Variants in HIVEP2 observed in about 807,000 individuals in gnomAD.
HIVEP2 encodes the protein HIVEP zinc finger 2, also known as transcription factor HIVEP2.
In HIVEP2, 14 loss-of-function variants were observed where a neutral mutation model predicts 180.7. The ratio of observed to expected loss-of-function variants is 0.08; its 90% CI spans 0.05 to 0.12. The LOEUF (loss-of-function observed/expected upper bound fraction) is 0.12, where lower values mean the gene tolerates loss of function less well. Among genes scored for constraint, HIVEP2 ranks in the 10% least tolerant of loss-of-function variants. HIVEP2 has a pLI of 1.00. For missense variants in HIVEP2, 2,579 were observed against 3,008.5 expected, an observed-to-expected ratio of 0.86 and a Z score of 3.34; for synonymous variants, 1,184 against 1,136.4, an observed-to-expected ratio of 1.04 and a Z score of -0.84.
intron 1 of HIVEP2, among the ~76,000 whole-genome samples, chr6:142,879,422 A>G (rs1017919129): frequency 6.6e-6 from 1 of 152,140 alleles, no homozygotes; most frequent in African/African-American, 2.4e-5. Flanking sequence ...TCAATAATAA[A>G]TTAGAGATGA....
intron 2 of HIVEP2, among the ~76,000 whole-genome samples, chr6:142,833,248 C>T (rs1775140864): frequency 6.6e-6 from 1 of 152,164 alleles, no homozygotes; most frequent in Non-Finnish European, 1.5e-5. Flanking sequence ...TACATAATAG[C>T]TATTGCCTCA....
chr6:142,900,374 C>T (rs946030154), intron 1 of HIVEP2, among the ~76,000 whole-genome samples: 2 of 152,166 alleles, frequency 1.3e-5, no homozygotes, highest in African/African-American at 2.4e-5. Context: ...GGAATACCCA[C>T]TTCACCAATC....
chr6:142,765,445 A>C (rs935631572), intron 6 of HIVEP2, among the ~76,000 whole-genome samples: 2 of 152,238 alleles, frequency 1.3e-5, no homozygotes, highest in African/African-American at 2.4e-5. Flanking sequence ...TATAACTGAT[A>C]ATAGAATTCT....
Position 142,771,117 on chromosome 6 carries a change from A to C in HIVEP2, c.3622T>G (p.Phe1208Val). ...FSPIQNALFQ[F>V]QYPTVCMVHL... ...ACCATACAAACTGTAGGATACTGAAACTGAAACAAGGCATTCTGGATTGGA... is the reference window on the plus strand; with the variant it reads ...ACCATACAAACTGTAGGATACTGAACCTGAAACAAGGCATTCTGGATTGGA... The change falls in exon 5 of 10, where the codon TTT becomes GTT. Residue 1208 changes from phenylalanine to valine, a missense_variant. Physicochemically the swap from Phe to Val is conservative, Grantham distance 50. Transcript: ENST00000367603. This position sits in a 1 kb window ranked among gnomAD's most constrained non-coding sequence, Gnocchi z 5.4. 6.2e-7 allele frequency: 1 copy of C among 1,614,230 alleles called. No homozygotes were observed. Among genetic ancestry groups the C allele is most frequent in the Non-Finnish European group, 8.5e-7 (1 of 1,180,050 alleles).
chr6:142,875,972 A>C (rs1775191826), intron 1 of HIVEP2, among the ~76,000 whole-genome samples: 1 of 152,172 alleles, frequency 6.6e-6, no homozygotes, highest in Non-Finnish European at 1.5e-5. Flanking sequence ...CTAGAAAGAG[A>C]ATTTAGATAA....
chr6:142,927,224 G>A lies in HIVEP2; in HGVS notation c.-641+17875C>T, dbSNP rs192404708. 2.1e-3 allele frequency among the ~76,000 whole-genome samples: 317 copies of A among 152,296 alleles called. 1 individual carries two copies. Among genetic ancestry groups the A allele is most frequent in the Middle Eastern group, 6.8e-3 (2 of 294 alleles). On this transcript the variant is annotated intron_variant, in intron 1 of 9. Transcript: ENST00000367603. ...TCCTCCACCGCCTGGATTTCCCACG[G>A]GGAGGAAAAGGCGTGCGTTTCCAGG... is the stretch of plus-strand genomic sequence containing the variant.
chr6:142,834,821 T>C (rs1775183920), intron 2 of HIVEP2, among the ~76,000 whole-genome samples: 1 of 151,876 alleles, frequency 6.6e-6, no homozygotes, highest in African/African-American at 2.4e-5. Context: ...TTATTATTTG[T>C]AAAAAAAGTT....
intron 1 of HIVEP2, among the ~76,000 whole-genome samples, chr6:142,939,397 C>A (rs1192562790): frequency 6.6e-6 from 1 of 151,974 alleles, no homozygotes; most frequent in African/African-American, 2.4e-5. Context: ...CCTCTCTGCT[C>A]AAAAACCTTC....
intron 1 of HIVEP2, among the ~76,000 whole-genome samples, chr6:142,904,549 G>C (rs1777216170): frequency 6.6e-6 from 1 of 151,998 alleles, no homozygotes; most frequent in Admixed American, 6.6e-5. Flanking sequence ...ACACACAACT[G>C]ATAAATTTCC....
Position 142,760,518 on chromosome 6 carries a change from G to T in HIVEP2, c.5770C>A (p.Gln1924Lys). 6.2e-7 allele frequency: 1 copy of T among 1,614,030 alleles called. No individual in the cohort carries two copies. Among genetic ancestry groups the T allele is most frequent in the Non-Finnish European group, 8.5e-7 (1 of 1,180,004 alleles). Residue 1924 changes from glutamine to lysine, a missense_variant, in exon 9 of 10, where the codon CAG (glutamine) becomes AAG (lysine). Gln to Lys is a moderately conservative substitution (Grantham distance 53). Coordinates refer to ENST00000367603, the MANE Select transcript of HIVEP2 (RefSeq NM_006734.4). ...DDEDEDDFDD[Q>K]GDLTPKTRSR... ...CTTGTTTTTGGTGTTAAATCTCCCT[G>T]GTCGTCAAAGTCATCTTCATCTTCA... is the stretch of plus-strand genomic sequence containing the variant.
At position 142,793,598 on chromosome 6, in the gene HIVEP2, C is replaced by A. The variant is rs185228690; in HGVS notation, c.-527-9983G>T. On this transcript the variant is annotated intron_variant, in intron 2 of 9. Transcript: ENST00000367603. The stretch of plus-strand genomic sequence containing the variant: ...ATTAATTTCTTTCTTTCTACCTCCC[C>A]CCTCCCACCTCCCATCCTTCCTTCT... Among the ~76,000 whole-genome samples, 48 of 151,530 alleles carry A rather than the reference C, an allele frequency of 3.2e-4. No homozygotes were observed. In the East Asian group the frequency reaches 8.4e-3, roughly 26 times the overall value.
rs116054182 is a variant in HIVEP2 at position 142,908,519 on chromosome 6, T to C, written c.-641+36580A>G. Among the ~76,000 whole-genome samples, 516 of 152,316 alleles carry C rather than the reference T, an allele frequency of 3.4e-3. 2 individuals are homozygous for C. The highest frequency in any genetic ancestry group is 0.012 in the African/African-American group (492 of 41,570). ...GATGTAGGGTTCACATTTATTTCTA[T>C]ATAGTTTCTAGCCCATTGCCAAAAT... is the stretch of plus-strand genomic sequence containing the variant. On this transcript the variant is annotated intron_variant, in intron 1 of 9. Coordinates refer to ENST00000367603, the MANE Select transcript of HIVEP2 (RefSeq NM_006734.4).
rs765778164 is a variant in HIVEP2, at chr6:142,771,600, G to A, written c.3139C>T (p.Arg1047Trp). The change falls in exon 5 of 10, where the codon CGG becomes TGG. Residue 1047 changes from arginine (R) to tryptophan (W), a missense_variant. Around this residue, in one of 11 missense-constraint regions of HIVEP2, gnomAD observed 523 missense variants for 577.0 expected, o/e 0.91. Transcript: ENST00000367603. The surrounding 1 kb of genome is among the most constrained non-coding windows in gnomAD (Gnocchi z 5.4). Reference sequence around the variant, plus strand: ...TTCCCATAATCAAATGATTTGCTCCGAACTTCTGGGACTTCCGCTGGGTGA... The same window carrying A: ...TTCCCATAATCAAATGATTTGCTCCAAACTTCTGGGACTTCCGCTGGGTGA... ...CPHPAEVPEV[R>W]SKSFDYGNLS... 2.4e-5 allele frequency: 38 copies of A among 1,613,990 alleles called. No homozygotes were observed. Among genetic ancestry groups the A allele is most frequent in the East Asian group, 1.1e-4 (5 of 44,892 alleles).
intron 1 of HIVEP2, among the ~76,000 whole-genome samples, chr6:142,852,740 A>G (rs1775717950): frequency 6.6e-6 from 1 of 152,224 alleles, no homozygotes; most frequent in African/African-American, 2.4e-5. Context: ...TAGTTTAGGT[A>G]GACTTAACAC....
chr6:142,861,442 T>C (rs1165515859), intron 1 of HIVEP2, among the ~76,000 whole-genome samples: 1 of 152,170 alleles, frequency 6.6e-6, no homozygotes, highest in African/African-American at 2.4e-5. Context: ...GGCAATAACA[T>C]TGGAGGAACT....
chr6:142,763,071 T>G (rs1775290640), intron 7 of HIVEP2, among the ~76,000 whole-genome samples: 1 of 152,162 alleles, frequency 6.6e-6, no homozygotes, highest in Admixed American at 6.5e-5. Context: ...GATAGTTTAT[T>G]TAGATTTTAG....
chr6:142,798,274 AAAAAGAAAAG>A (rs547612498), intron 2 of HIVEP2, among the ~76,000 whole-genome samples: 45 of 152,202 alleles, frequency 3.0e-4, no homozygotes, highest in African/African-American at 8.7e-4. Context: ...GTCTCAAAAA[AAAAAGAAAAG>A]AAAAGAAAAG....
At chr6:142,920,291 T>C (rs1777653415) in intron 1 of HIVEP2, among the ~76,000 whole-genome samples, 1 of 152,206 alleles carries the variant, frequency 6.6e-6, no homozygotes, top group Non-Finnish European at 1.5e-5. Flanking sequence ...TATCTTTGTA[T>C]CTCCGAAGTC....
intron 1 of HIVEP2, among the ~76,000 whole-genome samples, chr6:142,908,721 G>C (rs1350053900): frequency 2.0e-5 from 3 of 151,940 alleles, no homozygotes; most frequent in African/African-American, 4.8e-5. Flanking sequence ...GGTTGAGAAG[G>C]GTGCTAAGTG....
Sources: gnomAD v4.1 joint callset for allele counts (sites outside exome capture counted in the v4.1 genomes callset) on GRCh38, gnomAD v4.1.1 for gene constraint, gnomAD v4.1.1 regional missense constraint, Gnocchi (gnomAD v3.1) non-coding constraint, MANE v1.5 for transcripts, NCBI Gene and HGNC (gene_info 2026-07-23, HGNC 2026-07-21) for gene names.